Variants in NARS2 observed in about 807,000 individuals in gnomAD.
The protein encoded by NARS2 is asparaginyl-tRNA synthetase.
NARS2 carries 60 observed loss-of-function variants against 62.9 expected under a neutral mutation model. That is an observed-to-expected ratio of 0.95 (90% CI 0.77 to 1.18). The LOEUF (loss-of-function observed/expected upper bound fraction) is 1.18, where lower values mean the gene tolerates loss of function less well. Ranked by LOEUF, NARS2 falls within the 50% of genes most tolerant of loss-of-function variation. The pLI, the probability that NARS2 is intolerant of heterozygous loss-of-function variation, is 0.00. For missense variants in NARS2, 619 were observed against 576.4 expected (o/e 1.07, Z -0.76); for synonymous variants, 196 against 200.0 (o/e 0.98, Z 0.17).
At chr11:78,537,566 G>T (rs1174671679) in intron 5 of NARS2, among the ~76,000 whole-genome samples, 2 of 152,218 alleles carry the variant, frequency 1.3e-5, no homozygotes, top group African/African-American at 4.8e-5. Context: ...GGAGGCCAAG[G>T]TGGGAGAACT....
intron 6 of NARS2, among the ~76,000 whole-genome samples, chr11:78,521,403 C>T (rs1206886111): frequency 6.6e-6 from 1 of 152,058 alleles, no homozygotes; most frequent in Non-Finnish European, 1.5e-5. Context: ...GAACTAGTGG[C>T]TTCAAGTGAT....
intron 5 of NARS2, chr11:78,555,161 T>C (rs945851322): frequency 2.0e-5 from 3 of 152,196 alleles, no homozygotes; most frequent in African/African-American, 7.2e-5. Flanking sequence ...TCTGCATCAA[T>C]GTTCATCAAG....
At chr11:78,523,434 T>C (rs890074296) in intron 6 of NARS2, among the ~76,000 whole-genome samples, 6 of 152,198 alleles carry the variant, frequency 3.9e-5, no homozygotes, top group Non-Finnish European at 5.9e-5. Flanking sequence ...TTAAACATAG[T>C]TACTGCATGA....
At chr11:78,443,097 G>A (rs1477750999) in intron 12 of NARS2, among the ~76,000 whole-genome samples, 7 of 152,028 alleles carry the variant, frequency 4.6e-5, no homozygotes, top group East Asian at 1.9e-4. Context: ...AGGCTGAGGC[G>A]GGCAGATCAC....
Position 78,574,597 on chromosome 11 carries a change from G to T in NARS2, c.-109C>A. The T allele has an allele frequency of 1.6e-6, 2 of 1,268,244 alleles. No individual in the cohort carries two copies. Among genetic ancestry groups the T allele is most frequent in the East Asian group, 2.5e-5 (1 of 39,308 alleles). 78.6% of individuals were successfully genotyped at this position (1,268,244 alleles called of 1,614,324 possible). On this transcript the variant is annotated 5_prime_UTR_variant, in exon 1 of 14. Coordinates refer to ENST00000281038, the MANE Select transcript of NARS2 (RefSeq NM_024678.6). ...GCTCCCCTTCCGCGGCCGCAGCTCT[G>T]CTCTAAGGCACTCCAGAGCCCCTCG...
At chr11:78,513,823 A>G (rs978853364) in intron 6 of NARS2, among the ~76,000 whole-genome samples, 1 of 152,096 alleles carries the variant, frequency 6.6e-6, no homozygotes, top group Non-Finnish European at 1.5e-5. Context: ...GTAATACCCA[A>G]TGCTGGAGGT....
At chr11:78,489,065 T>C (rs1228156468) in intron 7 of NARS2, among the ~76,000 whole-genome samples, 2 of 151,942 alleles carry the variant, frequency 1.3e-5, no homozygotes, top group Admixed American at 6.6e-5. Context: ...TAGGGCAAGG[T>C]AAAGAGTTCT....
At chr11:78,444,920 T>C (rs1488245393) in intron 11 of NARS2, among the ~76,000 whole-genome samples, 1 of 152,210 alleles carries the variant, frequency 6.6e-6, no homozygotes, top group Admixed American at 6.5e-5. Context: ...CAATATGTTT[T>C]GACTCAGCAA....
intron 7 of NARS2, among the ~76,000 whole-genome samples, chr11:78,489,671 C>T (rs7938994): frequency 6.6e-6 from 1 of 152,080 alleles, no homozygotes; most frequent in East Asian, 1.9e-4. Context: ...TCCACTTAGG[C>T]GTAAATTTAA....
intron 6 of NARS2, among the ~76,000 whole-genome samples, chr11:78,522,057 G>A (rs1861148434): frequency 1.3e-5 from 2 of 151,444 alleles, no homozygotes; most frequent in Admixed American, 6.6e-5. Flanking sequence ...GGGCTTAAGC[G>A]CCCTCCTGCC....
intron 7 of NARS2, 120 bp from the exon 8 acceptor site, chr11:78,478,803 AT>A: frequency 2.0e-6 from 1 of 494,114 alleles, no homozygotes. Context: ...AAGTCTTTTA[AT>A]CCTTGAATGT....
intron 11 of NARS2, among the ~76,000 whole-genome samples, chr11:78,458,963 G>A (rs1245781753): frequency 4.0e-5 from 6 of 151,060 alleles, no homozygotes; most frequent in Admixed American, 6.6e-5. Context: ...CTGTTGCCCC[G>A]GCTGGACTGC....
intron 6 of NARS2, among the ~76,000 whole-genome samples, chr11:78,510,502 C>G (rs965054317): frequency 1.3e-5 from 2 of 152,038 alleles, no homozygotes; most frequent in African/African-American, 4.8e-5. Context: ...AGGGAAAAAA[C>G]AGTTTTACAA....
intron 7 of NARS2, 46 bp downstream of exon 7, chr11:78,493,017 A>G (rs751546646): frequency 2.6e-5 from 38 of 1,455,810 alleles, no homozygotes; most frequent in Non-Finnish European, 3.5e-5. Flanking sequence ...ATACAGAAAC[A>G]TTTTAATGTC....
At chr11:78,533,008 T>C (rs1298293490) in intron 5 of NARS2, among the ~76,000 whole-genome samples, 1 of 152,188 alleles carries the variant, frequency 6.6e-6, no homozygotes, top group Non-Finnish European at 1.5e-5. Context: ...TCTCAAATTT[T>C]GCACTTGAAC....
chr11:78,574,102 A>G (rs1468608754), intron 1 of NARS2, among the ~76,000 whole-genome samples: 1 of 152,232 alleles, frequency 6.6e-6, no homozygotes, highest in Non-Finnish European at 1.5e-5. Context: ...CACTTTTGGT[A>G]TGATTAACAA....
intron 5 of NARS2, among the ~76,000 whole-genome samples, chr11:78,553,414 G>A (rs1328942527): frequency 2.0e-5 from 3 of 152,042 alleles, no homozygotes; most frequent in African/African-American, 7.2e-5. Flanking sequence ...TCAGCCTCCT[G>A]AGTAGCTGGG....
intron 5 of NARS2, among the ~76,000 whole-genome samples, chr11:78,531,819 T>C (rs2135434198): frequency 6.6e-6 from 1 of 152,228 alleles, no homozygotes; most frequent in East Asian, 1.9e-4. Flanking sequence ...ATATGAAACA[T>C]ACAGAATAGG....
chr11:78,500,724 T>C (rs1376233898), intron 6 of NARS2, among the ~76,000 whole-genome samples: 1 of 151,510 alleles, frequency 6.6e-6, no homozygotes, highest in Non-Finnish European at 1.5e-5. Context: ...TCAAAGAAAT[T>C]TGGTTTATCT....
Sources: gnomAD v4.1 joint callset for allele counts (sites outside exome capture counted in the v4.1 genomes callset) on GRCh38, gnomAD v4.1.1 for gene constraint, MANE v1.5 for transcripts, NCBI Gene and HGNC (gene_info 2026-07-23, HGNC 2026-07-21) for gene names.